The following CSMD3 variants were observed in gnomAD, a reference collection of about 807,000 sequenced individuals.
The protein encoded by CSMD3 is CUB and sushi domain-containing protein 3.
Under a neutral mutation model 435.2 loss-of-function variants are expected in CSMD3, and 177 were observed. The ratio of observed to expected loss-of-function variants is 0.41; its 90% CI spans 0.36 to 0.46. CSMD3 has a LOEUF of 0.46. CSMD3 is among the 20% of genes least tolerant of loss of function. The pLI is 0.34. For missense variants in CSMD3, 4,265 were observed against 4,504.6 expected (o/e 0.95, Z 1.52); for synonymous variants, 1,656 against 1,520.5 (o/e 1.09, Z -2.07).
chr8:112,381,845 T>C, intron 37 of CSMD3, among the ~76,000 whole-genome samples: 1 of 152,214 alleles, frequency 6.6e-6, no homozygotes, highest in East Asian at 1.9e-4. Context: ...TCTCTAAGCC[T>C]CAATTACCTA....
chr8:113,424,933 A>G (rs763247515), intron 1 of CSMD3, among the ~76,000 whole-genome samples: 1 of 151,560 alleles, frequency 6.6e-6, no homozygotes, highest in Non-Finnish European at 1.5e-5. Flanking sequence ...CCCATTGAAG[A>G]GCTAAACAAT....
chr8:112,832,550 A>G (rs1216551263), intron 11 of CSMD3, among the ~76,000 whole-genome samples: 1 of 152,162 alleles, frequency 6.6e-6, no homozygotes, highest in Non-Finnish European at 1.5e-5. Context: ...ACAAACTGCC[A>G]TGCTGTGGAA....
Position 112,287,163 on chromosome 8 carries a change from C to T in CSMD3, c.9232G>A (p.Val3078Ile). The T allele has an allele frequency of 6.2e-7, 1 of 1,613,734 alleles. No homozygotes were observed. The highest frequency in any genetic ancestry group is 8.5e-7 in the Non-Finnish European group (1 of 1,179,768). ...TAACCAGTATCACAAGCATAACGTA[C>T]AGTACTTTTAGTTCTGAAATTGCTT... ...QESNFRTKST[V>I]RYACDTGYIL... is the part of the protein sequence containing the mutation. Residue 3078 changes from valine (V) to isoleucine (I), a missense_variant, in exon 58 of 71, where the codon GTA (valine) becomes ATA (isoleucine). Physicochemically the swap from Val to Ile is conservative, Grantham distance 29. Transcript: ENST00000297405.
chr8:113,195,973 T>C (rs1162874457), intron 3 of CSMD3, among the ~76,000 whole-genome samples: 3 of 150,506 alleles, frequency 2.0e-5, no homozygotes, highest in Non-Finnish European at 4.5e-5. Context: ...GAGGACAACT[T>C]ATGGTATGAG....
intron 1 of CSMD3, among the ~76,000 whole-genome samples, chr8:113,374,725 T>C (rs376166143): frequency 2.0e-5 from 3 of 151,238 alleles, no homozygotes; most frequent in East Asian, 3.9e-4. Context: ...TCAGCAACAG[T>C]TGTCGCTTTA....
intron 1 of CSMD3, among the ~76,000 whole-genome samples, chr8:113,380,634 C>T (rs1024747703): frequency 4.6e-5 from 7 of 152,226 alleles, no homozygotes; most frequent in Non-Finnish European, 7.4e-5. Flanking sequence ...CAAAACCAAA[C>T]TGCTTGAACA....
At chr8:113,255,760 T>C (rs1268967654) in intron 3 of CSMD3, among the ~76,000 whole-genome samples, 1 of 151,930 alleles carries the variant, frequency 6.6e-6, no homozygotes, top group African/African-American at 2.4e-5. Flanking sequence ...ATATTATAAT[T>C]TTTAAAAAGT....
intron 4 of CSMD3, 32 bp from the exon 5 acceptor site, chr8:113,098,995 G>C (rs113875579): frequency 7.3e-7 from 1 of 1,370,296 alleles, no homozygotes; most frequent in African/African-American, 1.4e-5. Context: ...TCAGTTGTAA[G>C]TTATTGAGAT....
chr8:112,331,994 TAC>T (rs1043129917), intron 45 of CSMD3, among the ~76,000 whole-genome samples: 1 of 152,098 alleles, frequency 6.6e-6, no homozygotes, highest in African/African-American at 2.4e-5. Context: ...ATTTAGAAAT[TAC>T]ACATTTAGTA....
intron 1 of CSMD3, chr8:113,377,072 C>G: frequency 7.7e-7 from 1 of 1,304,208 alleles, no homozygotes; most frequent in Non-Finnish European, 9.9e-7. Context: ...AAGAGCCTCA[C>G]TTTTCGCCAG....
At chr8:112,601,574 T>C (rs13252957) in intron 22 of CSMD3, among the ~76,000 whole-genome samples, 87,574 of 151,988 alleles carry the variant, frequency 0.58, 25,801 homozygotes, top group African/African-American at 0.69. Context: ...AGGAGATAGA[T>C]ATTGCTTCTG....
intron 8 of CSMD3, among the ~76,000 whole-genome samples, chr8:112,948,705 C>A (rs2083699525): frequency 6.6e-6 from 1 of 150,648 alleles, no homozygotes; most frequent in East Asian, 1.9e-4. Context: ...ATCAATTTAC[C>A]TGCTTTTTTT....
chr8:112,923,791 A>T (rs1729246307), intron 9 of CSMD3, among the ~76,000 whole-genome samples: 1 of 152,180 alleles, frequency 6.6e-6, no homozygotes, highest in South Asian at 2.1e-4. Context: ...TAGATTTTAA[A>T]CAGTGATTAA....
intron 5 of CSMD3, among the ~76,000 whole-genome samples, chr8:113,084,939 T>G (rs1015922941): frequency 6.6e-6 from 1 of 151,856 alleles, no homozygotes; most frequent in Non-Finnish European, 1.5e-5. Flanking sequence ...GACCCATATC[T>G]CTCTCTATTT....
At chr8:113,329,764 A>G (rs1028619698) in intron 1 of CSMD3, among the ~76,000 whole-genome samples, 3 of 152,194 alleles carry the variant, frequency 2.0e-5, no homozygotes, top group Non-Finnish European at 4.4e-5. Context: ...AAGATTAACA[A>G]TGATTAAGGC....
At chr8:113,377,152 T>C in intron 1 of CSMD3, 1 of 1,246,748 alleles carries the variant, frequency 8.0e-7, no homozygotes, top group Non-Finnish European at 1.0e-6. Context: ...CCGAGGGGTG[T>C]ACGCCCCGGA....
At chr8:112,784,329 G>GA (rs1405432888) in intron 13 of CSMD3, among the ~76,000 whole-genome samples, 3 of 151,434 alleles carry the variant, frequency 2.0e-5, no homozygotes, top group Non-Finnish European at 4.4e-5. Context: ...CATCAAAAGA[G>GA]TAAAAAAACT....
At position 112,620,867 on chromosome 8, in the gene CSMD3, G is replaced by A. The variant is rs113840507; in HGVS notation, c.3715+15950C>T. 9.9e-4 allele frequency among the ~76,000 whole-genome samples: 151 copies of A among 152,012 alleles called. 1 individual carries two copies. The highest frequency in any genetic ancestry group is 6.8e-3 in the Middle Eastern group (2 of 294). On this transcript the variant is annotated intron_variant, in intron 22 of 70. Coordinates refer to ENST00000297405, the MANE Select transcript of CSMD3 (RefSeq NM_198123.2). ...TTTTAGAAAATAAAATTCTCTTTTCGCCTCCTCATATCTCATTGGTCTTTG... is the reference window on the plus strand; with the variant it reads ...TTTTAGAAAATAAAATTCTCTTTTCACCTCCTCATATCTCATTGGTCTTTG...
rs2131581210 is a variant in CSMD3 at position 112,636,908 on chromosome 8, G to A, written c.3624C>T (p.Cys1208=). 1 of 1,613,400 alleles carries A rather than the reference G, an allele frequency of 6.2e-7. No individual in the cohort carries two copies. The highest frequency in any genetic ancestry group is 8.5e-7 in the Non-Finnish European group (1 of 1,179,710). The change falls in exon 22 of 71, where the codon TGC becomes TGT. Residue 1208 remains cysteine (C), a synonymous_variant. Transcript: ENST00000297405. The part of the protein sequence containing the change: ...FGIGDTLTFS[C]SSGYRLEGTS... ...TTCCTTCCAGTCGATAACCCGAAGAGCATGAGAAGGTCAGAGTGTCACCAA... is the reference window on the plus strand; with the variant it reads ...TTCCTTCCAGTCGATAACCCGAAGAACATGAGAAGGTCAGAGTGTCACCAA...
Sources: gnomAD v4.1 joint callset for allele counts (sites outside exome capture counted in the v4.1 genomes callset) on GRCh38, gnomAD v4.1.1 for gene constraint, MANE v1.5 for transcripts, NCBI Gene and HGNC (gene_info 2026-07-23, HGNC 2026-07-21) for gene names.